Variants in CAD observed in about 807,000 individuals in gnomAD.
The protein encoded by CAD is multifunctional protein CAD.
CAD carries 81 observed loss-of-function variants against 237.2 expected under a neutral mutation model. The observed-to-expected ratio is 0.34, with a 90% CI of 0.29 to 0.41. The LOEUF (loss-of-function observed/expected upper bound fraction) is 0.41, where lower values mean the gene tolerates loss of function less well. Ranked by LOEUF, CAD falls within the 10% of genes least tolerant of loss-of-function variation. The probability of loss-of-function intolerance (pLI) is 1.00; values close to 1 mark genes in which losing one functional copy is unlikely to be tolerated. For missense variants in CAD, 2,181 were observed against 2,951.7 expected, an observed-to-expected ratio of 0.74 and a Z score of 6.05; for synonymous variants, 1,196 against 1,162.8, an observed-to-expected ratio of 1.03 and a Z score of -0.58.
Position 27,233,673 on chromosome 2 carries a change from C to T in CAD, c.3264C>T (p.Arg1088=), listed in dbSNP as rs754133006. The T allele has an allele frequency of 3.7e-6, 6 of 1,614,164 alleles. No individual in the cohort carries two copies. In the Admixed American group the frequency reaches 1.0e-4, roughly 27 times the overall value. Residue 1088 remains arginine (R), a synonymous_variant, in exon 21 of 44, where the codon CGC becomes CGT. Transcript: ENST00000264705. This position sits in a 1 kb window ranked among gnomAD's most constrained non-coding sequence, Gnocchi z 6.3. The part of the protein sequence containing the change: ...CQTVGYPCVV[R]PSYVLSGAAM... ...CCGTGGGGTACCCCTGTGTGGTGCG[C>T]CCCTCCTATGTGCTGAGCGGTGCTG...
Position 27,221,365 on chromosome 2 carries a change from G to A in CAD, c.352+18G>A, listed in dbSNP as rs777052243. On this transcript the variant is annotated intron_variant, in intron 3 of 43. Transcript: ENST00000264705. Reference sequence around the variant, plus strand: ...CTTGCAAGGTATGGTGGCAAGCAGGGGCATATTTGGGCAGAGCACAGCATG... The same window carrying A: ...CTTGCAAGGTATGGTGGCAAGCAGGAGCATATTTGGGCAGAGCACAGCATG... The A allele has an allele frequency of 3.8e-5, 58 of 1,535,626 alleles. No individual in the cohort carries two copies. The highest frequency in any genetic ancestry group is 4.3e-5 in the Non-Finnish European group (49 of 1,141,202).
Position 27,222,596 on chromosome 2 carries a change from A to T in CAD, c.573A>T (p.Arg191=), listed in dbSNP as rs1216690576. The T allele has an allele frequency of 1.2e-6, 2 of 1,614,006 alleles. No individual in the cohort carries two copies. The highest frequency in any genetic ancestry group is 2.7e-5 in the African/African-American group (2 of 74,914). ...GTGGCCTCAAGTATAATCAGATCCG[A>T]TGCCTCTGCCAGCGTGGGGCTGAGG... ...LDCGLKYNQI[R]CLCQRGAEVT... Residue 191 remains arginine (R), a synonymous_variant, in exon 5 of 44, where the codon CGA becomes CGT. Coordinates refer to ENST00000264705, the MANE Select transcript of CAD (RefSeq NM_004341.5).
intron 15 of CAD, 47 bp from the exon 16 acceptor site, chr2:27,231,421 A>G (rs949648638): frequency 3.6e-6 from 4 of 1,107,018 alleles, no homozygotes; most frequent in African/African-American, 3.1e-5. Context: ...CCTTCTTCCC[A>G]CCCCTTCCAC....
chr2:27,229,099 A>G (rs1269533851), intron 15 of CAD, among the ~76,000 whole-genome samples: 1 of 150,170 alleles, frequency 6.7e-6, no homozygotes. Context: ...TTGTATTTTT[A>G]GTAGAGACGG....
chr2:27,238,178 G>C lies in CAD; in HGVS notation c.4851G>C (p.Arg1617=), dbSNP rs765417972. The change falls in exon 30 of 44, where the codon CGG becomes CGC. Residue 1617 remains arginine, a synonymous_variant. Coordinates refer to ENST00000264705, the MANE Select transcript of CAD (RefSeq NM_004341.5). ...QRSVHICHVA[R]KEEILLIKAA... is the part of the protein sequence containing the mutation. ...CAGTGCACATATGTCACGTGGCACG[G>C]AAGGAGGAGGTAAGAGTACACCTGA... 2 of 1,614,050 alleles carry C rather than the reference G, an allele frequency of 1.2e-6. No individual in the cohort carries two copies. The highest frequency in any genetic ancestry group is 1.7e-6 in the Non-Finnish European group (2 of 1,180,026).
chr2:27,242,591 TC>T lies in CAD; in HGVS notation c.6223-26del. The T allele has an allele frequency of 6.3e-7, 1 of 1,577,474 alleles. No homozygotes were observed. Among genetic ancestry groups the T allele is most frequent in the South Asian group, 1.2e-5 (1 of 84,692 alleles). On this transcript the variant is annotated intron_variant, in intron 40 of 43. Coordinates refer to ENST00000264705, the MANE Select transcript of CAD (RefSeq NM_004341.5). This position sits in a 1 kb window ranked among gnomAD's most constrained non-coding sequence, Gnocchi z 6.4. ...ATGTCGGGGGGCACTCAGTCTGGGA[TC>T]CCTGTGGTGACTGGATTCCTCTCCT...
Position 27,240,015 on chromosome 2 carries a change from C to A in CAD, c.5496+217C>A. 1.7e-6 allele frequency: 1 copy of A among 581,948 alleles called. No homozygotes were observed. The highest frequency in any genetic ancestry group is 3.0e-6 in the Non-Finnish European group (1 of 333,130). 36.0% of individuals were successfully genotyped at this position (581,948 alleles called of 1,614,324 possible). ...CAGCACTTTGGGAGGCCAAGGCAGG[C>A]GGATCATCTGAGGTCAGGAGTTTAA... On this transcript the variant is annotated intron_variant, in intron 34 of 43. Transcript: ENST00000264705. This position sits in a 1 kb window ranked among gnomAD's most constrained non-coding sequence, Gnocchi z 4.6.
In CAD at chr2:27,221,479, T is replaced by C. The variant is rs193277147; in HGVS notation, c.352+132T>C. 302 of 870,504 alleles carry C rather than the reference T, an allele frequency of 3.5e-4. 2 individuals carry two copies. The East Asian group carries it at 5.2e-3, about 15-fold the overall frequency. The allele number at this position is 870,504 out of a possible 1,614,324, so 53.9% of individuals were successfully genotyped here. On this transcript the variant is annotated intron_variant, in intron 3 of 43. Coordinates refer to ENST00000264705, the MANE Select transcript of CAD (RefSeq NM_004341.5). The stretch of plus-strand genomic sequence containing the variant: ...TGGAAGGTTTAGATTGGAGTTGGGC[T>C]GGGAGAAAGAATTGAACTATCACTC...
intron 15 of CAD, among the ~76,000 whole-genome samples, chr2:27,229,308 A>C (rs1323958573): frequency 6.6e-6 from 1 of 151,902 alleles, no homozygotes; most frequent in Non-Finnish European, 1.5e-5. Context: ...TTATTCTGTC[A>C]CCCAGGGTGG....
Position 27,242,501 on chromosome 2 carries a change from G to A in CAD, c.6222+74G>A. On this transcript the variant is annotated intron_variant, in intron 40 of 43. Transcript: ENST00000264705. The surrounding 1 kb of genome is among the most constrained non-coding windows in gnomAD (Gnocchi z 6.4). ...AGGGAGGCAGGAAGTGGTTACCCCGGTACAGGACAGCTGCATCAAGGAGGC... is the reference window on the plus strand; with the variant it reads ...AGGGAGGCAGGAAGTGGTTACCCCGATACAGGACAGCTGCATCAAGGAGGC... The A allele has an allele frequency of 6.3e-7, 1 of 1,578,814 alleles. No individual in the cohort carries two copies. The highest frequency in any genetic ancestry group is 8.6e-7 in the Non-Finnish European group (1 of 1,158,152).
intron 2 of CAD, among the ~76,000 whole-genome samples, chr2:27,220,369 G>C (rs903417575): frequency 6.6e-6 from 1 of 152,068 alleles, no homozygotes; most frequent in Non-Finnish European, 1.5e-5. Context: ...AGAAAGAGGC[G>C]GGGCGCGGTA....
intron 16 of CAD, 93 bp from the exon 17 acceptor site, chr2:27,231,887 A>G (rs990551624): frequency 1.2e-4 from 176 of 1,478,664 alleles, no homozygotes; most frequent in Non-Finnish European, 1.6e-4. Flanking sequence ...TCTGGTGTAC[A>G]GTTTCCCCTT....
chr2:27,228,981 C>T (rs2148071204), intron 15 of CAD, among the ~76,000 whole-genome samples: 1 of 138,500 alleles, frequency 7.2e-6, no homozygotes, highest in South Asian at 2.4e-4. Context: ...TGCAGTGGTG[C>T]TATCTCGGCT....
chr2:27,235,403 C>T lies in CAD; in HGVS notation c.3945C>T (p.Ile1315=), dbSNP rs755701351. 9 of 1,611,824 alleles carry T rather than the reference C, an allele frequency of 5.6e-6. No individual in the cohort carries two copies. The Admixed American group carries it at 1.5e-4, about 27-fold the overall frequency. Residue 1315 remains isoleucine, a synonymous_variant, in exon 24 of 44, where the codon ATC becomes ATT. Coordinates refer to ENST00000264705, the MANE Select transcript of CAD (RefSeq NM_004341.5). This position sits in a 1 kb window ranked among gnomAD's most constrained non-coding sequence, Gnocchi z 5.2. ...STGFKIPKKN[I]LLTIGSYKNK... is the part of the protein sequence containing the mutation. ...GCTTTAAGATCCCCAAGAAGAATAT[C>T]CTGCTGACCATTGGCAGCTATAAGG...
chr2:27,236,961 G>T lies in CAD; in HGVS notation c.4396+131G>T. On this transcript the variant is annotated intron_variant, in intron 27 of 43. Transcript: ENST00000264705. The surrounding 1 kb of genome is among the most constrained non-coding windows in gnomAD (Gnocchi z 4.1). ...GCACAGACTGTGAAGACCCCAGAAT[G>T]TTTCTCACTCTTTCATTCCTTAATC... The T allele has an allele frequency of 1.4e-6, 1 of 736,580 alleles. No homozygotes were observed. The highest frequency in any genetic ancestry group is 2.4e-6 in the Non-Finnish European group (1 of 413,326). 45.6% of individuals were successfully genotyped at this position (736,580 alleles called of 1,614,324 possible).
In CAD at chr2:27,240,807, A is replaced by C. The variant is rs1676279992; in HGVS notation, c.5594-104A>C. 1.8e-5 allele frequency: 24 copies of C among 1,336,560 alleles called. No individual in the cohort carries two copies. In the South Asian group the frequency reaches 3.0e-4, roughly 16 times the overall value. The allele number at this position is 1,336,560 out of a possible 1,614,324, so 82.8% of individuals were successfully genotyped here. A position where few individuals can be genotyped will look rare whatever the true frequency, so the allele number is the denominator to read the frequency against. Reference sequence around the variant, plus strand: ...TAACCTGCTATATTACTGTGTTGTGAATTGGTTTAACATATACACTGTGAT... The same window carrying C: ...TAACCTGCTATATTACTGTGTTGTGCATTGGTTTAACATATACACTGTGAT... On this transcript the variant is annotated intron_variant, in intron 35 of 43. Transcript: ENST00000264705. This position sits in a 1 kb window ranked among gnomAD's most constrained non-coding sequence, Gnocchi z 4.6.
rs1676275496 is a variant in CAD, at chr2:27,240,702, C to G, written c.5594-209C>G. On this transcript the variant is annotated intron_variant, in intron 35 of 43. Coordinates refer to ENST00000264705, the MANE Select transcript of CAD (RefSeq NM_004341.5). The surrounding 1 kb of genome is among the most constrained non-coding windows in gnomAD (Gnocchi z 4.6). ...GCCAACTGGGAGAGCCCCGGGAGGG[C>G]ACCACTGCTCCCATACAACACAGCC... 5 of 1,392,874 alleles carry G rather than the reference C, an allele frequency of 3.6e-6. No homozygotes were observed. The Admixed American group carries it at 6.1e-5, about 17-fold the overall frequency. The allele number at this position is 1,392,874 out of a possible 1,614,324, so 86.3% of individuals were successfully genotyped here. A position where few individuals can be genotyped will look rare whatever the true frequency, so the allele number is the denominator to read the frequency against.
chr2:27,226,425 C>G lies in CAD; in HGVS notation c.2032-100C>G, dbSNP rs7593448. On this transcript the variant is annotated intron_variant, in intron 13 of 43. Transcript: ENST00000264705. ...TTTTGGGCTTACAGTCCCTGGAGTA[C>G]AAGCTGGAATCTTCTTTACTAGGTT... The G allele has an allele frequency of 0.33, 505,777 of 1,543,214 alleles. 96,328 individuals are homozygous for G. Among genetic ancestry groups the G allele is most frequent in the African/African-American group, 0.82 (59,918 of 73,064 alleles).
chr2:27,232,036 T>C lies in CAD; in HGVS notation c.2457T>C (p.Ala819=). The C allele has an allele frequency of 6.2e-7, 1 of 1,614,230 alleles. No homozygotes were observed. The highest frequency in any genetic ancestry group is 8.5e-7 in the Non-Finnish European group (1 of 1,180,036). The change falls in exon 17 of 44, where the codon GCT becomes GCC. Residue 819 remains alanine, a synonymous_variant. Coordinates refer to ENST00000264705, the MANE Select transcript of CAD (RefSeq NM_004341.5). The surrounding 1 kb of genome is among the most constrained non-coding windows in gnomAD (Gnocchi z 4.1). ...TTGTGGTGGCAGCTGCTTTGTGGGC[T>C]GGTTATTCAGTGGACCGCCTGTATG... ...RIFVVAAALW[A]GYSVDRLYEL... is the part of the protein sequence containing the mutation.
Sources: allele counts gnomAD v4.1 joint callset (sites outside exome capture counted in the v4.1 genomes callset), GRCh38; gene constraint gnomAD v4.1.1; non-coding constraint Gnocchi (gnomAD v3.1); transcripts MANE v1.5; gene names NCBI Gene and HGNC (gene_info 2026-07-23, HGNC 2026-07-21).